Variants in MYO5B observed in about 807,000 individuals in gnomAD.
The protein encoded by MYO5B is unconventional myosin-Vb.
A neutral mutation model predicts 229.3 loss-of-function variants in MYO5B; 143 were observed. The ratio of observed to expected loss-of-function variants is 0.62; its 90% confidence interval spans 0.54 to 0.72. The LOEUF (loss-of-function observed/expected upper bound fraction) is 0.72. MYO5B is among the 30% of genes least tolerant of loss of function. The pLI is 0.00. For synonymous variants in MYO5B, 918 were observed against 885.2 expected (o/e 1.04, Z -0.66); for missense variants, 2,321 against 2,331.0 (o/e 1.00, Z 0.09).
At chr18:49,879,415 G>A (rs2024562277) in intron 23 of MYO5B, 1 of 402,830 alleles carries the variant, frequency 2.5e-6, no homozygotes, top group Non-Finnish European at 4.7e-6. Flanking sequence ...ATTCCTGGAA[G>A]AATGAAGGCT....
intron 26 of MYO5B, among the ~76,000 whole-genome samples, chr18:49,872,911 G>T (rs1322079114): frequency 6.6e-6 from 1 of 152,198 alleles, no homozygotes; most frequent in East Asian, 1.9e-4. Context: ...GCAGCCCTAG[G>T]AAGCTAACAC....
At chr18:50,180,128 T>C (rs759363208) in intron 1 of MYO5B, among the ~76,000 whole-genome samples, 8 of 152,126 alleles carry the variant, frequency 5.3e-5, no homozygotes. Flanking sequence ...CCATCAATGC[T>C]GGTGCTTTGT....
intron 4 of MYO5B, among the ~76,000 whole-genome samples, chr18:50,024,605 C>A (rs539797349): frequency 1.2e-4 from 19 of 152,314 alleles, no homozygotes; most frequent in Admixed American, 5.2e-4. Flanking sequence ...TGTAAGTACA[C>A]TCCTCCCTCT....
intron 14 of MYO5B, among the ~76,000 whole-genome samples, chr18:49,939,808 T>C (rs984596562): frequency 6.6e-6 from 1 of 152,234 alleles, no homozygotes; most frequent in Non-Finnish European, 1.5e-5. Context: ...ATAAAAGGGC[T>C]TCAGATATAG....
chr18:49,979,617 G>C (rs1452466674), intron 9 of MYO5B, among the ~76,000 whole-genome samples: 1 of 152,230 alleles, frequency 6.6e-6, no homozygotes, highest in East Asian at 1.9e-4. Context: ...CCCTCAGGTA[G>C]TGTTGTCTTT....
intron 14 of MYO5B, among the ~76,000 whole-genome samples, chr18:49,952,987 C>G (rs1489687780): frequency 6.6e-6 from 1 of 152,144 alleles, no homozygotes; most frequent in Non-Finnish European, 1.5e-5. Context: ...CCTCCATTAG[C>G]AGGCATCTTT....
chr18:49,877,932 G>C, intron 24 of MYO5B, 50 bp from the exon 25 acceptor site: 4 of 1,611,658 alleles, frequency 2.5e-6, no homozygotes, highest in Non-Finnish European at 3.4e-6. Context: ...ATGTTCATGA[G>C]AATTTACCTC....
At chr18:49,999,035 A>G (rs568296497) in intron 5 of MYO5B, among the ~76,000 whole-genome samples, 1 of 152,334 alleles carries the variant, frequency 6.6e-6, no homozygotes, top group East Asian at 1.9e-4. Flanking sequence ...ATTGTAAAAA[A>G]TTTCCCCATG....
intron 4 of MYO5B, among the ~76,000 whole-genome samples, chr18:50,035,682 T>C (rs539564638): frequency 2.0e-4 from 31 of 152,378 alleles, no homozygotes; most frequent in African/African-American, 6.3e-4. Flanking sequence ...TGAGCCCTGA[T>C]AGCAGGTTAA....
At chr18:49,926,221 T>C (rs1215497007) in intron 17 of MYO5B, among the ~76,000 whole-genome samples, 1 of 152,244 alleles carries the variant, frequency 6.6e-6, no homozygotes, top group Non-Finnish European at 1.5e-5. Context: ...GCTCTTGTAC[T>C]TTCCAGGTCA....
intron 4 of MYO5B, among the ~76,000 whole-genome samples, chr18:50,030,045 TG>T (rs550415403): frequency 9.1e-4 from 139 of 152,302 alleles, no homozygotes; most frequent in African/African-American, 2.8e-3. Flanking sequence ...ATTTAAAACT[TG>T]ATCTCAAAGC....
intron 1 of MYO5B, among the ~76,000 whole-genome samples, chr18:50,101,181 CGAGTATGT>C (rs2031647827): frequency 6.6e-6 from 1 of 152,116 alleles, no homozygotes; most frequent in Non-Finnish European, 1.5e-5. Context: ...TGATAGATGA[CGAGTATGT>C]GAATTAGCTT....
intron 2 of MYO5B, among the ~76,000 whole-genome samples, chr18:50,043,194 A>G (rs77814542): frequency 1.4e-5 from 2 of 146,436 alleles, no homozygotes; most frequent in South Asian, 2.1e-4. Context: ...ATGCCCATCA[A>G]TGAGTGGATA....
At chr18:49,969,760 G>A (rs1304991563) in intron 10 of MYO5B, 3 of 152,214 alleles carry the variant, frequency 2.0e-5, no homozygotes, top group Non-Finnish European at 4.4e-5. Context: ...AGTACCACAA[G>A]AAAGTAACAG....
intron 2 of MYO5B, among the ~76,000 whole-genome samples, chr18:50,052,648 A>T (rs1352451867): frequency 4.6e-5 from 7 of 151,306 alleles, no homozygotes; most frequent in African/African-American, 1.5e-4. Flanking sequence ...TGGCACATGT[A>T]TACATATGTA....
At chr18:49,967,751 C>G (rs1299357798) in intron 10 of MYO5B, among the ~76,000 whole-genome samples, 3 of 152,086 alleles carry the variant, frequency 2.0e-5, no homozygotes, top group Non-Finnish European at 4.4e-5. Flanking sequence ...AGAGGCCAAC[C>G]CTTCTGATCT....
At chr18:49,846,872 G>A (rs1040265850) in intron 33 of MYO5B, among the ~76,000 whole-genome samples, 5 of 152,016 alleles carry the variant, frequency 3.3e-5, no homozygotes, top group Non-Finnish European at 7.4e-5. Context: ...AAGCATGTGG[G>A]TGGCTCCCCT....
intron 26 of MYO5B, among the ~76,000 whole-genome samples, chr18:49,874,872 T>C (rs146931325): frequency 2.1e-3 from 324 of 152,320 alleles, no homozygotes; most frequent in Non-Finnish European, 3.8e-3. Context: ...CTATAGTCAA[T>C]GGATTCTCTA....
At chr18:50,123,913 G>C (rs1471678830) in intron 1 of MYO5B, among the ~76,000 whole-genome samples, 1 of 152,036 alleles carries the variant, frequency 6.6e-6, no homozygotes, top group Non-Finnish European at 1.5e-5. Flanking sequence ...GTATATATAC[G>C]ATACACACAC....
Sources: gnomAD v4.1 joint callset for allele counts (sites outside exome capture counted in the v4.1 genomes callset) on GRCh38, gnomAD v4.1.1 for gene constraint, MANE v1.5 for transcripts, NCBI Gene and HGNC (gene_info 2026-07-23, HGNC 2026-07-21) for gene names.